REDIC1: variants seen among roughly 807,000 people sequenced by gnomAD.
REDIC1 encodes HEI10 Interacting Protein 1.
chr12:39,758,722 A>G, the REDIC1 span: 2 of 152,016 alleles, frequency 1.3e-5, no homozygotes, highest in African/African-American at 4.8e-5. Flanking sequence ...CCAATAGGCA[A>G]TCTCAATTTT....
At chr12:39,641,399 G>A in the REDIC1 span, among the ~76,000 whole-genome samples, 1 of 151,716 alleles carries the variant, frequency 6.6e-6, no homozygotes, top group Non-Finnish European at 1.5e-5. Context: ...CCTTACAACT[G>A]AGCAAAGAAA....
At chr12:39,808,523 C>T in the REDIC1 span, among the ~76,000 whole-genome samples, 1 of 152,096 alleles carries the variant, frequency 6.6e-6, no homozygotes, top group Non-Finnish European at 1.5e-5. Flanking sequence ...AACCTCCAAA[C>T]TGATTTCTGA....
the REDIC1 span, among the ~76,000 whole-genome samples, chr12:39,751,217 G>GA: frequency 6.6e-6 from 1 of 151,684 alleles, no homozygotes; most frequent in East Asian, 2.0e-4. Context: ...AATTTACAAG[G>GA]AAAAAACAAC....
the REDIC1 span, among the ~76,000 whole-genome samples, chr12:39,719,120 A>G: frequency 6.6e-6 from 1 of 152,104 alleles, no homozygotes; most frequent in African/African-American, 2.4e-5. Context: ...GCTTGTGTAT[A>G]TGTAAACTCA....
chr12:39,820,010 T>C, the REDIC1 span: 1 of 152,196 alleles, frequency 6.6e-6, no homozygotes, highest in East Asian at 1.9e-4. Flanking sequence ...AATTCTGTTA[T>C]ATAATCCAAC....
the REDIC1 span, among the ~76,000 whole-genome samples, chr12:39,781,410 A>AGG: frequency 6.6e-6 from 1 of 152,108 alleles, no homozygotes; most frequent in Non-Finnish European, 1.5e-5. Flanking sequence ...AGCCTTCCAC[A>AGG]GCACCTCCTC....
the REDIC1 span, among the ~76,000 whole-genome samples, chr12:39,886,815 G>C: frequency 1.3e-5 from 2 of 152,172 alleles, no homozygotes; most frequent in Admixed American, 6.6e-5. Context: ...AGACTCACTT[G>C]CAGAGTTGGA....
the REDIC1 span, among the ~76,000 whole-genome samples, chr12:39,680,499 T>C: frequency 6.6e-6 from 1 of 152,076 alleles, no homozygotes; most frequent in Non-Finnish European, 1.5e-5. Flanking sequence ...ATGGATGTGG[T>C]GAAAAGGGAA....
chr12:39,773,965 A>G, the REDIC1 span, among the ~76,000 whole-genome samples: 1 of 152,186 alleles, frequency 6.6e-6, no homozygotes, highest in East Asian at 1.9e-4. Context: ...GTGAAGCACG[A>G]TTTTATTTCC....
chr12:39,807,298 C>A, the REDIC1 span, among the ~76,000 whole-genome samples: 21 of 152,238 alleles, frequency 1.4e-4, no homozygotes, highest in Non-Finnish European at 2.8e-4. Context: ...GGTGGACACA[C>A]AAGCCTACAT....
chr12:39,760,126 C>T, the REDIC1 span: 1 of 1,613,006 alleles, frequency 6.2e-7, no homozygotes, highest in Non-Finnish European at 8.5e-7. Context: ...TGAAGTGCCA[C>T]ATGTACATAG....
the REDIC1 span, among the ~76,000 whole-genome samples, chr12:39,706,213 G>A: frequency 6.6e-6 from 1 of 152,022 alleles, no homozygotes; most frequent in East Asian, 1.9e-4. Flanking sequence ...TCCATTTACA[G>A]TAGCCACAAA....
the REDIC1 span, chr12:39,684,724 G>A: frequency 1.7e-6 from 1 of 590,174 alleles, no homozygotes; most frequent in Non-Finnish European, 2.9e-6. Flanking sequence ...TGGGCTCCTT[G>A]GCATGGAGCT....
chr12:39,769,522 A>G, the REDIC1 span, among the ~76,000 whole-genome samples: 2 of 91,814 alleles, frequency 2.2e-5, no homozygotes. Context: ...TTGAGAAAAG[A>G]AAGTTTTTTA....
the REDIC1 span, among the ~76,000 whole-genome samples, chr12:39,781,373 C>T: frequency 1.2e-5 from 1 of 84,302 alleles, no homozygotes; most frequent in Admixed American, 1.5e-4. Flanking sequence ...ACTGAGGGAG[C>T]CCCGCACAGT....
At chr12:39,643,815 A>G in the REDIC1 span, 1 of 1,554,124 alleles carries the variant, frequency 6.4e-7, no homozygotes, top group Non-Finnish European at 8.8e-7. Flanking sequence ...ATCAAAAATG[A>G]AATCACTGGG....
At chr12:39,728,490 T>G in the REDIC1 span, among the ~76,000 whole-genome samples, 1 of 152,222 alleles carries the variant, frequency 6.6e-6, no homozygotes, top group Non-Finnish European at 1.5e-5. Context: ...ATCTCAGGGA[T>G]GAAGCCAACT....
chr12:39,705,400 C>T, the REDIC1 span, among the ~76,000 whole-genome samples: 1 of 151,996 alleles, frequency 6.6e-6, no homozygotes, highest in African/African-American at 2.4e-5. Flanking sequence ...AGAACTAATA[C>T]CAGTCCTACT....
the REDIC1 span, among the ~76,000 whole-genome samples, chr12:39,712,707 GTATATAGACGTATACGTGTA>G: frequency 7.0e-4 from 3 of 4,278 alleles, no homozygotes; most frequent in African/African-American, 1.8e-3. Flanking sequence ...GTGTATATAT[GTATATAGACGTATACGTGTA>G]TATATGTATA....
Sources: gnomAD v4.1 joint callset for allele counts (sites outside exome capture counted in the v4.1 genomes callset) on GRCh38, gnomAD v4.1.1 for gene constraint, MANE v1.5 for transcripts, NCBI Gene and HGNC (gene_info 2026-07-23, HGNC 2026-07-21) for gene names.